The following ESR1 variants were observed in gnomAD, a reference collection of about 807,000 sequenced individuals.
The protein encoded by ESR1 is estrogen receptor 1.
In ESR1, 12 loss-of-function variants were observed where a neutral mutation model predicts 52.7. That is an observed-to-expected ratio of 0.23 (90% CI 0.15 to 0.37). ESR1 has a LOEUF of 0.37. Among genes scored for constraint, ESR1 ranks in the 10% least tolerant of loss-of-function variants. The pLI, the probability that ESR1 is intolerant of heterozygous loss-of-function variation, is 1.00. For missense variants in ESR1, 584 were observed against 779.7 expected, an observed-to-expected ratio of 0.75 and a Z score of 2.99; for synonymous variants, 305 against 316.8, an observed-to-expected ratio of 0.96 and a Z score of 0.39.
At chr6:151,927,706 T>G (rs1478372137) in intron 3 of ESR1, among the ~76,000 whole-genome samples, 2 of 151,866 alleles carry the variant, frequency 1.3e-5, no homozygotes. Context: ...ATGATATTGG[T>G]AATTTATGTT....
intron 4 of ESR1, among the ~76,000 whole-genome samples, chr6:151,978,509 G>A (rs535647637): frequency 5.9e-5 from 9 of 152,204 alleles, no homozygotes; most frequent in African/African-American, 2.2e-4. Context: ...CCAATCCACA[G>A]ATTCAGAAAC....
intron 1 of ESR1, among the ~76,000 whole-genome samples, chr6:151,829,676 G>A (rs1261530465): frequency 6.6e-6 from 1 of 152,196 alleles, no homozygotes; most frequent in East Asian, 1.9e-4. Flanking sequence ...TGTTATTGTT[G>A]GTCGGAGGCA....
Position 151,842,795 on chromosome 6 carries a change from T to C in ESR1, c.643+8T>C. 1 of 1,613,296 alleles carries C rather than the reference T, an allele frequency of 6.2e-7. No individual in the cohort carries two copies. The highest frequency in any genetic ancestry group is 8.5e-7 in the Non-Finnish European group (1 of 1,179,372). On this transcript the variant is annotated splice_region_variant and intron_variant, in intron 2 of 7. Transcript: ENST00000206249. ...TCAAGAGAAGTATTCAAGGTAATAG[T>C]GTGTTGAAAACGACTTCTATTTTTG... is the stretch of plus-strand genomic sequence containing the variant.
chr6:151,793,110 G>A (rs1004561793), intron 2 of ESR1, among the ~76,000 whole-genome samples: 2 of 151,622 alleles, frequency 1.3e-5, no homozygotes, highest in Non-Finnish European at 2.9e-5. Context: ...GGCGGAGCTT[G>A]CAGTGAGCTG....
intron 3 of ESR1, among the ~76,000 whole-genome samples, chr6:151,896,563 G>A (rs1228717135): frequency 1.3e-5 from 2 of 151,942 alleles, no homozygotes; most frequent in African/African-American, 2.4e-5. Context: ...AGCTTATTTG[G>A]ACCTTCTCTC....
chr6:151,849,359 T>C (rs1224331547), intron 2 of ESR1, among the ~76,000 whole-genome samples: 1 of 152,122 alleles, frequency 6.6e-6, no homozygotes, highest in Non-Finnish European at 1.5e-5. Context: ...AGAGTCATGA[T>C]AGATAGCCGG....
intron 3 of ESR1, among the ~76,000 whole-genome samples, chr6:151,929,026 T>G (rs1050568896): frequency 2.6e-5 from 4 of 152,206 alleles, no homozygotes; most frequent in Non-Finnish European, 5.9e-5. Context: ...GAATGTGTAT[T>G]AAGTTGTGGT....
intron 3 of ESR1, among the ~76,000 whole-genome samples, chr6:151,908,947 A>G (rs1357794767): frequency 6.6e-6 from 1 of 151,964 alleles, no homozygotes. Flanking sequence ...TCTGTAACTG[A>G]CATAGGGTAA....
chr6:151,665,394 C>T (rs950995877), intron 1 of ESR1, among the ~76,000 whole-genome samples: 7 of 152,146 alleles, frequency 4.6e-5, no homozygotes, highest in African/African-American at 1.7e-4. Flanking sequence ...CATCGTTAAA[C>T]TGGCCTCAGA....
At chr6:151,685,108 T>A (rs3020330) in intron 1 of ESR1, among the ~76,000 whole-genome samples, 1 of 6,782 alleles carries the variant, frequency 1.5e-4, no homozygotes, top group South Asian at 5.1e-3. Context: ...CACTGGCCTC[T>A]TTTTTTTTTT....
chr6:151,793,901 GCTTAA>G (rs1248773848), intron 2 of ESR1, among the ~76,000 whole-genome samples: 1 of 152,176 alleles, frequency 6.6e-6, no homozygotes, highest in Non-Finnish European at 1.5e-5. Flanking sequence ...AAACCTGCTT[GCTTAA>G]CTTATTAATT....
intron 5 of ESR1, among the ~76,000 whole-genome samples, chr6:152,058,131 G>A (rs915635633): frequency 6.6e-5 from 10 of 152,002 alleles, no homozygotes; most frequent in Non-Finnish European, 8.8e-5. Flanking sequence ...TTGGCTATGA[G>A]TTGTTATTTT....
chr6:151,779,899 C>CAAAAAA (rs1192077755), intron 2 of ESR1, among the ~76,000 whole-genome samples: 1 of 44,738 alleles, frequency 2.2e-5, no homozygotes, highest in Non-Finnish European at 4.7e-5. Flanking sequence ...GACTCCGTCT[C>CAAAAAA]AAAAAAAAAA....
chr6:151,892,838 T>C (rs539831921), intron 3 of ESR1, among the ~76,000 whole-genome samples: 4 of 152,290 alleles, frequency 2.6e-5, no homozygotes, highest in African/African-American at 7.2e-5. Flanking sequence ...TACAGAAATA[T>C]ATGTCAGCCT....
chr6:152,071,920 C>T (rs1435181778), intron 6 of ESR1, among the ~76,000 whole-genome samples: 1 of 152,188 alleles, frequency 6.6e-6, no homozygotes, highest in South Asian at 2.1e-4. Context: ...TTTTAAGGCT[C>T]TTGCTACATA....
At chr6:151,910,609 G>T (rs1346956137) in intron 3 of ESR1, among the ~76,000 whole-genome samples, 1 of 152,140 alleles carries the variant, frequency 6.6e-6, no homozygotes, top group Non-Finnish European at 1.5e-5. Flanking sequence ...AATTTTATCA[G>T]TATCTGTCTC....
At chr6:151,867,346 A>G (rs1790100430) in intron 2 of ESR1, among the ~76,000 whole-genome samples, 2 of 152,034 alleles carry the variant, frequency 1.3e-5, no homozygotes, top group African/African-American at 2.4e-5. Flanking sequence ...GAATGGGAGA[A>G]AATTTTTGCA....
intron 4 of ESR1, among the ~76,000 whole-genome samples, chr6:152,000,029 T>C (rs1478781549): frequency 6.6e-6 from 1 of 152,024 alleles, no homozygotes; most frequent in African/African-American, 2.4e-5. Flanking sequence ...TGTGTAATAT[T>C]TGGTACTTTT....
At chr6:151,730,674 T>C (rs939250269) in intron 2 of ESR1, among the ~76,000 whole-genome samples, 3 of 152,122 alleles carry the variant, frequency 2.0e-5, no homozygotes, top group Non-Finnish European at 4.4e-5. Context: ...TCAAGGAGGA[T>C]GGAGAGGGAG....
Sources: gnomAD v4.1 joint callset for allele counts (sites outside exome capture counted in the v4.1 genomes callset) on GRCh38, gnomAD v4.1.1 for gene constraint, MANE v1.5 for transcripts, NCBI Gene and HGNC (gene_info 2026-07-23, HGNC 2026-07-21) for gene names.